The following PLXNC1 variants were observed in gnomAD, a reference collection of about 807,000 sequenced individuals.
The protein encoded by PLXNC1 is plexin C1.
PLXNC1 carries 75 observed loss-of-function variants against 178.2 expected under a neutral mutation model. The observed-to-expected ratio is 0.42, with a 90% CI of 0.35 to 0.51. PLXNC1 has a LOEUF of 0.51. PLXNC1 is among the 20% of genes least tolerant of loss of function. PLXNC1 has a pLI of 0.02. For missense variants in PLXNC1, 1,503 were observed against 1,984.4 expected, an observed-to-expected ratio of 0.76 and a Z score of 4.61; for synonymous variants, 790 against 779.9, an observed-to-expected ratio of 1.01 and a Z score of -0.22.
intron 5 of PLXNC1, among the ~76,000 whole-genome samples, chr12:94,219,377 A>T (rs1433356287): frequency 6.6e-6 from 1 of 152,212 alleles, no homozygotes; most frequent in Non-Finnish European, 1.5e-5. Context: ...TAATTGATTA[A>T]CCATCTGGAT....
intron 21 of PLXNC1, 140 bp from the exon 22 acceptor site, chr12:94,279,332 A>C: frequency 1.6e-6 from 1 of 634,662 alleles, no homozygotes; most frequent in Non-Finnish European, 2.7e-6. Context: ...GAAAAGATGA[A>C]AGTAGTCTAA....
At position 94,149,910 on chromosome 12, in the gene PLXNC1, C is replaced by T; in HGVS notation, c.939C>T (p.Ala313=). 6.3e-7 allele frequency: 1 copy of T among 1,589,464 alleles called. No homozygotes were observed. Among genetic ancestry groups the T allele is most frequent in the South Asian group, 1.1e-5 (1 of 87,966 alleles). The change falls in exon 1 of 31, where the codon GCC becomes GCT. Residue 313 remains alanine (A), a synonymous_variant. Transcript: ENST00000258526. ...TCTGGGCGGGAGTGTTCAGCGCGGCCGCTGGAGAGGGCCAGGAGCGGCGCT... is the reference window on the plus strand; with the variant it reads ...TCTGGGCGGGAGTGTTCAGCGCGGCTGCTGGAGAGGGCCAGGAGCGGCGCT... ...LDVWAGVFSA[A]AGEGQERRSP...
chr12:94,301,291 T>C (rs1023926331), intron 28 of PLXNC1, among the ~76,000 whole-genome samples: 2 of 152,236 alleles, frequency 1.3e-5, no homozygotes, highest in African/African-American at 2.4e-5. Flanking sequence ...ATTCTGCCTG[T>C]GAAAAACTTT....
intron 23 of PLXNC1, among the ~76,000 whole-genome samples, chr12:94,284,087 GAAAAAAAAA>G (rs796439911): frequency 4.8e-5 from 4 of 82,696 alleles, no homozygotes; most frequent in Admixed American, 1.4e-4. Context: ...CATGTCAGGG[GAAAAAAAAA>G]AAAAAAAAAA....
chr12:94,283,911 C>T (rs1966639474), intron 23 of PLXNC1, among the ~76,000 whole-genome samples: 1 of 152,006 alleles, frequency 6.6e-6, no homozygotes, highest in Non-Finnish European at 1.5e-5. Flanking sequence ...CGGTAAAACG[C>T]TGTCTCTAAA....
chr12:94,224,602 T>TAAGTAAGTA (rs1963889009), intron 7 of PLXNC1, among the ~76,000 whole-genome samples: 1 of 152,004 alleles, frequency 6.6e-6, no homozygotes, highest in Non-Finnish European at 1.5e-5. Flanking sequence ...AGCCTTGAAG[T>TAAGTAAGTA]AAGTAAAGAA....
Position 94,259,668 on chromosome 12 carries a change from A to G in PLXNC1, c.3185A>G (p.Asn1062Ser). 6.2e-7 allele frequency: 1 copy of G among 1,613,242 alleles called. No individual in the cohort carries two copies. Among genetic ancestry groups the G allele is most frequent in the African/African-American group, 1.3e-5 (1 of 75,024 alleles). The change falls in exon 19 of 31, where the codon AAT becomes AGT. Residue 1062 changes from asparagine (N) to serine (S), a missense_variant. This residue lies in a region of PLXNC1 where 639 missense variants were observed against 979.7 expected (regional missense o/e 0.65). Transcript: ENST00000258526. ...SLTALDALIC[N>S]KSFLVTVIHT... ...ACAGCTTTGGATGCCCTAATCTGTA[A>G]TAAAAGCTTTCTTGTTACTGTCATC...
chr12:94,287,264 CG>C (rs1219378528), intron 23 of PLXNC1, among the ~76,000 whole-genome samples: 1 of 152,184 alleles, frequency 6.6e-6, no homozygotes, highest in East Asian at 1.9e-4. Flanking sequence ...TAAACCCTCC[CG>C]GTGCGCTTCC....
Position 94,305,271 on chromosome 12 carries a change from TG to T in PLXNC1, c.4694del (p.Cys1565SerfsTer27). ...AGTCTTATTTGATGAAAAGAAGAAA[TG>T]CAAGTGGATGTAAGCACTCTGGGGC... ...VKVLFDEKKK[C>X]KWM On this transcript the variant is annotated frameshift_variant, in exon 31 of 31. Transcript: ENST00000258526. LOFTEE classifies it high-confidence loss of function. 6.2e-7 allele frequency: 1 copy of T among 1,606,766 alleles called. No individual in the cohort carries two copies. The highest frequency in any genetic ancestry group is 8.5e-7 in the Non-Finnish European group (1 of 1,174,634).
At chr12:94,302,669 T>C (rs1430611330) in intron 28 of PLXNC1, among the ~76,000 whole-genome samples, 1 of 152,224 alleles carries the variant, frequency 6.6e-6, no homozygotes, top group Non-Finnish European at 1.5e-5. Flanking sequence ...AAATTGATGT[T>C]CTGGGAGGTT....
intron 6 of PLXNC1, among the ~76,000 whole-genome samples, chr12:94,223,907 A>G (rs1320587592): frequency 6.6e-6 from 1 of 152,184 alleles, no homozygotes; most frequent in Non-Finnish European, 1.5e-5. Flanking sequence ...TGGCCAATTA[A>G]AAGCTGAGAT....
At chr12:94,161,140 G>T (rs1398554336) in intron 1 of PLXNC1, among the ~76,000 whole-genome samples, 6 of 152,088 alleles carry the variant, frequency 3.9e-5, no homozygotes, top group African/African-American at 1.4e-4. Context: ...ATGAACTGTG[G>T]ATATCAGTGG....
At chr12:94,171,244 C>T (rs574554614) in intron 2 of PLXNC1, among the ~76,000 whole-genome samples, 3 of 152,288 alleles carry the variant, frequency 2.0e-5, no homozygotes, top group East Asian at 1.9e-4. Context: ...CTGAGGAGGC[C>T]GCAGCCGACC....
intron 2 of PLXNC1, among the ~76,000 whole-genome samples, chr12:94,169,887 G>A (rs929643081): frequency 2.0e-5 from 3 of 152,072 alleles, no homozygotes; most frequent in Non-Finnish European, 4.4e-5. Flanking sequence ...GACACACCCC[G>A]GTCAAGTGCA....
Position 94,178,744 on chromosome 12 carries a change from G to A in PLXNC1, c.1204-2702G>A, listed in dbSNP as rs138740565. Reference sequence around the variant, plus strand: ...CTAGTGAACACTTGAAATGTTGCTAGTGTTTTTAATTAAATGTAAATTTTT... The same window carrying A: ...CTAGTGAACACTTGAAATGTTGCTAATGTTTTTAATTAAATGTAAATTTTT... On this transcript the variant is annotated intron_variant, in intron 2 of 30. Coordinates refer to ENST00000258526, the MANE Select transcript of PLXNC1 (RefSeq NM_005761.3). Among the ~76,000 whole-genome samples the A allele has an allele frequency of 5.1e-3, 775 of 152,284 alleles. 4 individuals are homozygous for A. The highest frequency in any genetic ancestry group is 8.7e-3 in the South Asian group (42 of 4,822).
At chr12:94,200,254 T>C (rs941001216) in intron 4 of PLXNC1, among the ~76,000 whole-genome samples, 1 of 152,230 alleles carries the variant, frequency 6.6e-6, no homozygotes, top group African/African-American at 2.4e-5. Flanking sequence ...ATAGATTTTT[T>C]TGAAATGACC....
At chr12:94,263,095 C>T (rs1275814591) in intron 20 of PLXNC1, among the ~76,000 whole-genome samples, 1 of 152,160 alleles carries the variant, frequency 6.6e-6, no homozygotes, top group African/African-American at 2.4e-5. Flanking sequence ...ATCACGTACG[C>T]AGCGGCTGTG....
chr12:94,168,428 G>A (rs1239228374), intron 1 of PLXNC1: 1 of 152,214 alleles, frequency 6.6e-6, no homozygotes, highest in Non-Finnish European at 1.5e-5. Context: ...TTTATTTAAT[G>A]ATCAGGACCA....
intron 15 of PLXNC1, among the ~76,000 whole-genome samples, chr12:94,253,742 C>T (rs566695905): frequency 1.3e-5 from 2 of 152,022 alleles, no homozygotes; most frequent in Non-Finnish European, 2.9e-5. Context: ...GGCACGATCA[C>T]GGCTCACTGC....
Sources: gnomAD v4.1 joint callset for allele counts (sites outside exome capture counted in the v4.1 genomes callset) on GRCh38, gnomAD v4.1.1 for gene constraint, gnomAD v4.1.1 regional missense constraint, MANE v1.5 for transcripts, NCBI Gene and HGNC (gene_info 2026-07-23, HGNC 2026-07-21) for gene names.